The following MAP2K6 variants were observed in gnomAD, a reference collection of about 807,000 sequenced individuals.
The protein encoded by MAP2K6 is dual specificity mitogen-activated protein kinase kinase 6.
In MAP2K6, 16 loss-of-function variants were observed where a neutral mutation model predicts 53.7. The observed-to-expected ratio is 0.30, with a 90% CI of 0.20 to 0.45. The LOEUF is 0.45. Among genes scored for constraint, MAP2K6 ranks in the 20% least tolerant of loss-of-function variants. The pLI is 1.00. For synonymous variants in MAP2K6, 132 were observed against 143.1 expected (o/e 0.92, Z 0.55); for missense variants, 204 against 411.9 (o/e 0.50, Z 4.37).
At chr17:69,525,039 G>A in intron 9 of MAP2K6, 61 bp downstream of exon 9, 4 of 1,438,842 alleles carry the variant, frequency 2.8e-6, no homozygotes, top group Non-Finnish European at 3.9e-6. Context: ...GAATGAGGTG[G>A]ACGTTGGGTT....
intron 1 of MAP2K6, among the ~76,000 whole-genome samples, chr17:69,458,641 C>T (rs1162352667): frequency 1.3e-5 from 2 of 152,204 alleles, no homozygotes; most frequent in Non-Finnish European, 2.9e-5. Flanking sequence ...CTATCGTTCT[C>T]CTACTGTCCC....
At position 69,520,405 on chromosome 17, in the gene MAP2K6, C is replaced by A; in HGVS notation, c.483+19C>A. ...AGTTTCTGTGAGTACATTTTGATCC[C>A]TACTGCAAGGATAATGTGAGAAATA... On this transcript the variant is annotated intron_variant, in intron 6 of 11. Transcript: ENST00000590474. The A allele has an allele frequency of 1.4e-6, 2 of 1,400,654 alleles. No individual in the cohort carries two copies. The highest frequency in any genetic ancestry group is 2.0e-6 in the Non-Finnish European group (2 of 997,764). The allele number at this position is 1,400,654 out of a possible 1,614,324, so 86.8% of individuals were successfully genotyped here. A position where few individuals can be genotyped will look rare whatever the true frequency, so the allele number is the denominator to read the frequency against.
rs891616300 is a variant in MAP2K6 at position 69,549,013 on chromosome 17, T to C, written c.*7260T>C. On this transcript the variant is annotated 3_prime_UTR_variant, in exon 12 of 12. Transcript: ENST00000590474. ...TGTTGGTAAGAAATCAGTATCATCT[T>C]GTAACACAAACACGTGTTAATAGAA... is the stretch of plus-strand genomic sequence containing the variant. The C allele has an allele frequency of 4.6e-5, 7 of 152,200 alleles. No homozygotes were observed. The highest frequency in any genetic ancestry group is 6.5e-5 in the Admixed American group (1 of 15,280). 9.4% of individuals were successfully genotyped at this position (152,200 alleles called of 1,614,324 possible). A position where few individuals can be genotyped will look rare whatever the true frequency, so the allele number is the denominator to read the frequency against.
chr17:69,535,985 AGATAG>A, intron 10 of MAP2K6, 125 bp from the exon 11 acceptor site: 1 of 649,072 alleles, frequency 1.5e-6, no homozygotes, highest in Non-Finnish European at 2.8e-6. Context: ...AGGAAAGTCA[AGATAG>A]GAGGCTGTGT....
chr17:69,493,330 G>GTTA (rs1908825105), intron 1 of MAP2K6, among the ~76,000 whole-genome samples: 1 of 135,510 alleles, frequency 7.4e-6, no homozygotes, highest in African/African-American at 2.7e-5. Flanking sequence ...TGTGTGTGTT[G>GTTA]CAACACTAAC....
At chr17:69,456,118 C>T (rs1907403867) in intron 1 of MAP2K6, among the ~76,000 whole-genome samples, 1 of 152,198 alleles carries the variant, frequency 6.6e-6, no homozygotes, top group Non-Finnish European at 1.5e-5. Context: ...GCATCGGCCT[C>T]CCAAAGTGCT....
chr17:69,483,779 A>G (rs994429293), intron 1 of MAP2K6, among the ~76,000 whole-genome samples: 2 of 152,118 alleles, frequency 1.3e-5, no homozygotes, highest in Non-Finnish European at 2.9e-5. Flanking sequence ...TCGAAAGTCC[A>G]TAAATAAATC....
At chr17:69,438,542 C>T (rs146109945) in intron 1 of MAP2K6, among the ~76,000 whole-genome samples, 164 of 152,196 alleles carry the variant, frequency 1.1e-3, no homozygotes, top group African/African-American at 3.4e-3. Flanking sequence ...AACTATGAAT[C>T]TCTGCATTTT....
At chr17:69,531,791 A>T (rs1470840020) in intron 10 of MAP2K6, among the ~76,000 whole-genome samples, 1 of 152,066 alleles carries the variant, frequency 6.6e-6, no homozygotes, top group Admixed American at 6.5e-5. Context: ...TCTCTTTCTT[A>T]TCGTAGGGGT....
chr17:69,437,091 T>G (rs1906669494), intron 1 of MAP2K6, among the ~76,000 whole-genome samples: 1 of 152,180 alleles, frequency 6.6e-6, no homozygotes, highest in Non-Finnish European at 1.5e-5. Flanking sequence ...CCTCCCAAAG[T>G]GCTGGGATTA....
chr17:69,508,892 C>T (rs1909665881), intron 2 of MAP2K6, among the ~76,000 whole-genome samples: 1 of 152,210 alleles, frequency 6.6e-6, no homozygotes, highest in South Asian at 2.1e-4. Flanking sequence ...TGAATTGCTT[C>T]TGCTCCTTTG....
At chr17:69,487,077 G>A (rs1908567588) in intron 1 of MAP2K6, among the ~76,000 whole-genome samples, 1 of 152,190 alleles carries the variant, frequency 6.6e-6, no homozygotes, top group African/African-American at 2.4e-5. Flanking sequence ...CTGCCTCTGT[G>A]ATCCAGAAGA....
chr17:69,415,495 T>C (rs898192537), intron 1 of MAP2K6, among the ~76,000 whole-genome samples: 5 of 152,348 alleles, frequency 3.3e-5, no homozygotes, highest in South Asian at 4.1e-4. Context: ...TTTAGCTAAA[T>C]TTCCATTGAT....
At chr17:69,490,900 T>C (rs1339054062) in intron 1 of MAP2K6, among the ~76,000 whole-genome samples, 4 of 152,036 alleles carry the variant, frequency 2.6e-5, no homozygotes. Context: ...CCCCAGTGTG[T>C]GTTGTTCCCT....
Position 69,491,757 on chromosome 17 carries a change from C to T in MAP2K6, c.17-14023C>T, listed in dbSNP as rs199887646. Among the ~76,000 whole-genome samples the T allele has an allele frequency of 7.4e-5, 4 of 53,710 alleles. No homozygotes were observed. The Admixed American group carries it at 7.6e-4, about 10-fold the overall frequency. 35.2% of individuals were successfully genotyped at this position (53,710 alleles called of 152,430 possible). ...TATTATTATTATTATTATTATTATT[C>T]ACTTTTGAATAATAGACTTTCAGAC... On this transcript the variant is annotated intron_variant, in intron 1 of 11. Transcript: ENST00000590474.
At position 69,553,375 on chromosome 17, in the gene MAP2K6, A is replaced by G. The variant is rs1567870292; in HGVS notation, c.*11622A>G. The G allele has an allele frequency of 6.6e-6, 1 of 152,258 alleles. No homozygotes were observed. Among genetic ancestry groups the G allele is most frequent in the Admixed American group, 6.5e-5 (1 of 15,292 alleles). The allele number at this position is 152,258 out of a possible 1,614,324, so 9.4% of individuals were successfully genotyped here. ...TTTTGACCAAGGAAACAGCTGAGATATTAAACCATGTGGTTGTTCCACGGT... is the reference window on the plus strand; with the variant it reads ...TTTTGACCAAGGAAACAGCTGAGATGTTAAACCATGTGGTTGTTCCACGGT... On this transcript the variant is annotated 3_prime_UTR_variant, in exon 12 of 12. Coordinates refer to ENST00000590474, the MANE Select transcript of MAP2K6 (RefSeq NM_002758.4).
chr17:69,517,517 A>T lies in MAP2K6; in HGVS notation c.150A>T (p.Ala50=). 2 of 1,606,720 alleles carry T rather than the reference A, an allele frequency of 1.2e-6. No homozygotes were observed. Among genetic ancestry groups the T allele is most frequent in the Non-Finnish European group, 1.7e-6 (2 of 1,176,208 alleles). Residue 50 remains alanine (A), a synonymous_variant, in exon 4 of 12, where the codon GCA becomes GCT. Coordinates refer to ENST00000590474, the MANE Select transcript of MAP2K6 (RefSeq NM_002758.4). ...TCTTGCAGAACTTTGAGGTGAAGGC[A>T]GATGACCTGGAGCCTATAATGGAAC... ...SIGNQNFEVK[A]DDLEPIMELG...
Position 69,512,800 on chromosome 17 carries a change from C to T in MAP2K6, c.84-4055C>T, listed in dbSNP as rs1360467707. The stretch of plus-strand genomic sequence containing the variant: ...AAGGAAGCTATTTTATGTAAATGGT[C>T]TCACGCAGTCTCTTGCCCAAATAGG... On this transcript the variant is annotated intron_variant, in intron 2 of 11. Coordinates refer to ENST00000590474, the MANE Select transcript of MAP2K6 (RefSeq NM_002758.4). 4.6e-5 allele frequency among the ~76,000 whole-genome samples: 7 copies of T among 152,158 alleles called. No homozygotes were observed. The East Asian group carries it at 1.3e-3, about 29-fold the overall frequency.
chr17:69,493,088 A>G (rs1231139103), intron 1 of MAP2K6, among the ~76,000 whole-genome samples: 2 of 152,212 alleles, frequency 1.3e-5, no homozygotes, highest in African/African-American at 2.4e-5. Context: ...ATGTCAGCCA[A>G]TGAACTTATA....
Sources: allele counts gnomAD v4.1 joint callset (sites outside exome capture counted in the v4.1 genomes callset), GRCh38; gene constraint gnomAD v4.1.1; transcripts MANE v1.5; gene names NCBI Gene and HGNC (gene_info 2026-07-23, HGNC 2026-07-21).